Variants in CFAP299 observed in about 807,000 individuals in gnomAD.
The protein encoded by CFAP299 is cilia and flagella associated protein 299.
A neutral mutation model predicts 27.0 loss-of-function variants in CFAP299; 21 were observed. The observed-to-expected ratio is 0.78, with a 90% CI of 0.55 to 1.12. The LOEUF is 1.12. Among genes scored for constraint, CFAP299 ranks in the 50% most tolerant of loss-of-function variants. The pLI is 0.00. For synonymous variants in CFAP299, 104 were observed against 98.1 expected (o/e 1.06, Z -0.36); for missense variants, 310 against 276.6 (o/e 1.12, Z -0.86).
intron 4 of CFAP299, among the ~76,000 whole-genome samples, chr4:80,928,971 A>G (rs373816588): frequency 6.6e-5 from 10 of 152,234 alleles, no homozygotes; most frequent in African/African-American, 1.9e-4. Context: ...ACATTTCTTC[A>G]ATGATGATGT....
intron 4 of CFAP299, among the ~76,000 whole-genome samples, chr4:80,943,746 A>G (rs1327285046): frequency 6.6e-6 from 1 of 152,128 alleles, no homozygotes; most frequent in African/African-American, 2.4e-5. Flanking sequence ...CAGAATGTAG[A>G]AAAAATAGGA....
chr4:80,656,625 C>A (rs1740571078), intron 3 of CFAP299, among the ~76,000 whole-genome samples: 1 of 152,106 alleles, frequency 6.6e-6, no homozygotes, highest in Admixed American at 6.6e-5. Flanking sequence ...CGGTCTATCA[C>A]TGATGGACAT....
In CFAP299 at chr4:80,958,385, A is replaced by C. The variant is rs370729268; in HGVS notation, c.607-5132A>C. On this transcript the variant is annotated intron_variant, in intron 5 of 5. Transcript: ENST00000358105. ...TAATTTGTACAATTACATCCTGGTAAAAAGGATGACAACTTCTTACTGAAC... is the reference window on the plus strand; with the variant it reads ...TAATTTGTACAATTACATCCTGGTACAAAGGATGACAACTTCTTACTGAAC... Among the ~76,000 whole-genome samples the C allele has an allele frequency of 7.9e-5, 12 of 152,304 alleles. No homozygotes were observed. In the South Asian group the frequency reaches 2.1e-3, roughly 26 times the overall value.
At chr4:80,638,101 C>A (rs1234428454) in intron 3 of CFAP299, among the ~76,000 whole-genome samples, 9 of 152,118 alleles carry the variant, frequency 5.9e-5, no homozygotes, top group Non-Finnish European at 1.0e-4. Flanking sequence ...TTTTTATTGA[C>A]AGATGAGAAA....
At chr4:80,682,696 T>TA (rs1719919020) in intron 3 of CFAP299, among the ~76,000 whole-genome samples, 1 of 152,170 alleles carries the variant, frequency 6.6e-6, no homozygotes, top group Admixed American at 6.5e-5. Flanking sequence ...GGCTAGATCT[T>TA]ACACCCTTTA....
At chr4:80,587,193 T>C (rs1429419768) in intron 3 of CFAP299, among the ~76,000 whole-genome samples, 1 of 152,172 alleles carries the variant, frequency 6.6e-6, no homozygotes, top group Non-Finnish European at 1.5e-5. Context: ...TTCATGCTTG[T>C]CCACTAATAA....
At chr4:80,450,493 A>G (rs768494982) in intron 2 of CFAP299, among the ~76,000 whole-genome samples, 4 of 152,160 alleles carry the variant, frequency 2.6e-5, no homozygotes, top group Non-Finnish European at 4.4e-5. Flanking sequence ...AGTACTAGGA[A>G]TAAAATATTT....
At chr4:80,442,146 T>C (rs894739172) in intron 2 of CFAP299, among the ~76,000 whole-genome samples, 15 of 152,052 alleles carry the variant, frequency 9.9e-5, no homozygotes, top group African/African-American at 3.6e-4. Context: ...TAGACAGATA[T>C]TTACAAGACA....
intron 2 of CFAP299, among the ~76,000 whole-genome samples, chr4:80,549,621 T>G (rs1734404398): frequency 6.6e-6 from 1 of 152,174 alleles, no homozygotes; most frequent in South Asian, 2.1e-4. Context: ...ACAGGGTAAC[T>G]GTGGACACGT....
chr4:80,736,815 A>G (rs1390718665), intron 3 of CFAP299, among the ~76,000 whole-genome samples: 3 of 152,330 alleles, frequency 2.0e-5, no homozygotes, highest in East Asian at 3.9e-4. Flanking sequence ...ATTACTGGGT[A>G]TATATCCAAA....
chr4:80,917,705 T>C (rs559532251), intron 4 of CFAP299, among the ~76,000 whole-genome samples: 1 of 152,152 alleles, frequency 6.6e-6, no homozygotes, highest in East Asian at 1.9e-4. Flanking sequence ...CCTTTTGTAT[T>C]TTGAGGAAAG....
chr4:80,458,723 C>T (rs1358374898), intron 2 of CFAP299, among the ~76,000 whole-genome samples: 2 of 152,124 alleles, frequency 1.3e-5, no homozygotes, highest in African/African-American at 4.8e-5. Context: ...AAGATGCAGC[C>T]TTCCCCTCCA....
intron 2 of CFAP299, among the ~76,000 whole-genome samples, chr4:80,458,943 T>C (rs1009072686): frequency 1.3e-5 from 2 of 152,034 alleles, no homozygotes; most frequent in African/African-American, 4.8e-5. Context: ...ATTAAAGCTC[T>C]TTGCGGATGG....
intron 4 of CFAP299, among the ~76,000 whole-genome samples, chr4:80,881,477 A>C (rs1733703085): frequency 6.6e-6 from 1 of 152,122 alleles, no homozygotes; most frequent in South Asian, 2.1e-4. Context: ...AATTGGAAAA[A>C]GCACAGAACT....
chr4:80,435,212 G>T (rs1292193178), intron 2 of CFAP299, among the ~76,000 whole-genome samples: 2 of 152,170 alleles, frequency 1.3e-5, no homozygotes, highest in East Asian at 3.9e-4. Context: ...TGCCCTGCCA[G>T]ATTTGGGAGC....
At chr4:80,781,717 G>C (rs1012063490) in intron 3 of CFAP299, among the ~76,000 whole-genome samples, 1 of 151,912 alleles carries the variant, frequency 6.6e-6, no homozygotes, top group Non-Finnish European at 1.5e-5. Context: ...AGTTTAAGTA[G>C]ATTGGATAAT....
intron 3 of CFAP299, among the ~76,000 whole-genome samples, chr4:80,868,761 G>GT (rs1368312827): frequency 6.6e-6 from 1 of 151,754 alleles, no homozygotes; most frequent in Non-Finnish European, 1.5e-5. Context: ...TTTGTTTTTA[G>GT]TAGGAAGGTC....
chr4:80,585,446 A>T (rs1736386900), intron 3 of CFAP299, among the ~76,000 whole-genome samples: 1 of 152,034 alleles, frequency 6.6e-6, no homozygotes, highest in African/African-American at 2.4e-5. Context: ...TTACTAAGTT[A>T]TTTTTTTCCT....
At chr4:80,565,840 T>G (rs1050680707) in intron 2 of CFAP299, among the ~76,000 whole-genome samples, 2 of 152,016 alleles carry the variant, frequency 1.3e-5, no homozygotes, top group African/African-American at 4.8e-5. Flanking sequence ...ATAAAGCAAA[T>G]GAGTTATGTT....
Sources: allele counts gnomAD v4.1 joint callset (sites outside exome capture counted in the v4.1 genomes callset), GRCh38; gene constraint gnomAD v4.1.1; transcripts MANE v1.5; gene names NCBI Gene and HGNC (gene_info 2026-07-23, HGNC 2026-07-21).